The following SULF2 variants were observed in gnomAD, a reference collection of about 807,000 sequenced individuals.
SULF2 encodes extracellular sulfatase Sulf-2.
SULF2 carries 52 observed loss-of-function variants against 107.7 expected under a neutral mutation model. The ratio of observed to expected loss-of-function variants is 0.48; its 90% CI spans 0.39 to 0.61. The LOEUF (loss-of-function observed/expected upper bound fraction) is 0.61, where lower values mean the gene tolerates loss of function less well. SULF2 is among the 20% of genes least tolerant of loss of function. The pLI, the probability that SULF2 is intolerant of heterozygous loss-of-function variation, is 0.00. For missense variants in SULF2, 993 were observed against 1,177.3 expected, an observed-to-expected ratio of 0.84 and a Z score of 2.29; for synonymous variants, 460 against 464.3, an observed-to-expected ratio of 0.99 and a Z score of 0.12.
At chr20:47,659,780 A>G (rs1228526458) in intron 18 of SULF2, 50 bp from the exon 19 acceptor site, 1 of 1,437,242 alleles carries the variant, frequency 7.0e-7, no homozygotes, top group Admixed American at 1.7e-5. Flanking sequence ...AGTTTAGGCA[A>G]AACAACCCCA....
chr20:47,716,690 A>G (rs2089132691), intron 3 of SULF2, among the ~76,000 whole-genome samples: 1 of 151,950 alleles, frequency 6.6e-6, no homozygotes, highest in Non-Finnish European at 1.5e-5. Flanking sequence ...TAACATGAAA[A>G]ATCCAGCCTC....
In SULF2 at chr20:47,669,881, T is replaced by TC. The variant is rs560972031; in HGVS notation, c.1576+2316dup. Among the ~76,000 whole-genome samples the TC allele has an allele frequency of 5.9e-5, 9 of 152,326 alleles. No individual in the cohort carries two copies. The South Asian group carries it at 1.9e-3, about 32-fold the overall frequency. On this transcript the variant is annotated intron_variant, in intron 11 of 20. Transcript: ENST00000688720. ...CAGATCTTGTATTATTTAAAGATTATCGACTGTGCCACATATTGAAGCAAG... is the reference window on the plus strand; with the variant it reads ...CAGATCTTGTATTATTTAAAGATTATCCGACTGTGCCACATATTGAAGCAAG...
chr20:47,785,445 T>TGCCGCTGCCGCCGCC lies in SULF2; in HGVS notation c.-218_-204dup, dbSNP rs1456300176. The TGCCGCTGCCGCCGCC allele has an allele frequency of 6.8e-6, 1 of 147,502 alleles. No homozygotes were observed. The highest frequency in any genetic ancestry group is 1.4e-5 in the Non-Finnish European group (1 of 73,462). 9.1% of individuals were successfully genotyped at this position (147,502 alleles called of 1,614,324 possible). On this transcript the variant is annotated 5_prime_UTR_variant, in exon 1 of 21. Transcript: ENST00000688720. ...GGCGCAGGGGACTCCGCGCCGCCGC[T>TGCCGCTGCCGCCGCC]GCCGCTGCCGCCGCCGCCGCCGCCG...
intron 3 of SULF2, among the ~76,000 whole-genome samples, chr20:47,707,304 ATT>A (rs2088776790): frequency 1.3e-5 from 2 of 151,374 alleles, no homozygotes; most frequent in African/African-American, 4.9e-5. Context: ...ATTATTTTTT[ATT>A]CTTCTTTTTT....
intron 2 of SULF2, among the ~76,000 whole-genome samples, chr20:47,738,712 T>C (rs2089805989): frequency 6.6e-6 from 1 of 152,218 alleles, no homozygotes; most frequent in Admixed American, 6.5e-5. Flanking sequence ...CCATGTAAGA[T>C]GTGCCTTTCA....
chr20:47,727,112 T>C (rs1342785278), intron 3 of SULF2, among the ~76,000 whole-genome samples: 1 of 151,970 alleles, frequency 6.6e-6, no homozygotes, highest in Non-Finnish European at 1.5e-5. Context: ...GAGATGAATG[T>C]GTTCCCCAAA....
At chr20:47,703,496 T>G (rs2088633598) in intron 3 of SULF2, among the ~76,000 whole-genome samples, 2 of 152,168 alleles carry the variant, frequency 1.3e-5, no homozygotes, top group South Asian at 4.1e-4. Flanking sequence ...TGGCTAACAT[T>G]AAAGAAATGG....
At chr20:47,661,539 C>T (rs1053003146) in intron 18 of SULF2, 21 of 367,802 alleles carry the variant, frequency 5.7e-5, no homozygotes, top group East Asian at 3.5e-4. Context: ...TGAAATGAGA[C>T]GGAATTCCGT....
intron 4 of SULF2, among the ~76,000 whole-genome samples, chr20:47,697,772 T>A (rs1047063214): frequency 6.6e-6 from 1 of 152,170 alleles, no homozygotes; most frequent in African/African-American, 2.4e-5. Flanking sequence ...ACGTTCTATG[T>A]CCCCATGCTT....
rs113467024 is a variant in SULF2, at chr20:47,693,816, T to A, written c.568-3521A>T. 1.1e-4 allele frequency among the ~76,000 whole-genome samples: 17 copies of A among 152,194 alleles called. 2 individuals are homozygous for A. Among genetic ancestry groups the A allele is most frequent in the African/African-American group, 4.1e-4 (17 of 41,524 alleles). Reference sequence around the variant, plus strand: ...GAGGGTGGGTCAGGGGCTCCCACAGTCTAATGTTTCAAAGTGTGTGGGGGG... The same window carrying A: ...GAGGGTGGGTCAGGGGCTCCCACAGACTAATGTTTCAAAGTGTGTGGGGGG... On this transcript the variant is annotated intron_variant, in intron 4 of 20. Transcript: ENST00000688720.
At chr20:47,686,135 T>C (rs772402780) in intron 5 of SULF2, 2 of 152,250 alleles carry the variant, frequency 1.3e-5, no homozygotes, top group Non-Finnish European at 2.9e-5. Flanking sequence ...GAGGTTATCA[T>C]TGGTGTGTCC....
At chr20:47,682,519 T>A (rs1287896593) in intron 7 of SULF2, among the ~76,000 whole-genome samples, 1 of 152,222 alleles carries the variant, frequency 6.6e-6, no homozygotes, top group Non-Finnish European at 1.5e-5. Context: ...GGCTGAGGGC[T>A]GCGGCCCACG....
At chr20:47,721,267 T>G (rs940956438) in intron 3 of SULF2, among the ~76,000 whole-genome samples, 2 of 151,732 alleles carry the variant, frequency 1.3e-5, no homozygotes, top group African/African-American at 4.9e-5. Flanking sequence ...ATGAGGAAGG[T>G]GGGGTCATGA....
At chr20:47,765,507 T>C (rs781134230) in intron 1 of SULF2, among the ~76,000 whole-genome samples, 8 of 151,376 alleles carry the variant, frequency 5.3e-5, no homozygotes, top group Admixed American at 3.9e-4. Context: ...AGAAAGGAAA[T>C]TGTGGGTGTG....
In SULF2 at chr20:47,661,794, G is replaced by A; in HGVS notation, c.2473C>T (p.Arg825Trp). The A allele has an allele frequency of 1.3e-6, 2 of 1,558,762 alleles. No individual in the cohort carries two copies. Among genetic ancestry groups the A allele is most frequent in the South Asian group, 1.2e-5 (1 of 84,960 alleles). The change falls in exon 18 of 21, where the codon CGG becomes TGG. Residue 825 changes from arginine (R) to tryptophan (W), a missense_variant. By Grantham distance (101) the Arg-to-Trp change is moderately radical (BLOSUM62 -3). Around this residue, in one of 3 missense-constraint regions of SULF2, gnomAD observed 497 missense variants for 544.1 expected, o/e 0.91. Transcript: ENST00000688720. ...TCACCCAGGTCCATGTTTCGAGTCC[G>A]GGGGTTACACTGCTTGTAACCCTTG... The part of the protein sequence containing the change: ...SCKGYKQCNP[R>W]TRNMDLGLKD...
At chr20:47,712,669 C>A (rs938870434) in intron 3 of SULF2, among the ~76,000 whole-genome samples, 1 of 152,132 alleles carries the variant, frequency 6.6e-6, no homozygotes, top group Non-Finnish European at 1.5e-5. Context: ...GGTGGGGCAG[C>A]GCCCTCTAAT....
At chr20:47,719,884 G>C (rs35896821) in intron 3 of SULF2, among the ~76,000 whole-genome samples, 20,466 of 152,264 alleles carry the variant, frequency 0.13, 1,829 homozygotes, top group Middle Eastern at 0.25. Context: ...GTAGGCCACA[G>C]TTTACTAATC....
intron 3 of SULF2, among the ~76,000 whole-genome samples, chr20:47,704,650 A>G (rs2088671296): frequency 6.6e-6 from 1 of 152,202 alleles, no homozygotes; most frequent in Non-Finnish European, 1.5e-5. Flanking sequence ...AGAGACAGCA[A>G]TCCTATTCTA....
chr20:47,677,433 C>T (rs888179122), intron 8 of SULF2, among the ~76,000 whole-genome samples: 11 of 125,514 alleles, frequency 8.8e-5, no homozygotes, highest in Non-Finnish European at 1.6e-4. Flanking sequence ...TGTGTGTGCG[C>T]GCACACACAT....
Sources: gnomAD v4.1 joint callset for allele counts (sites outside exome capture counted in the v4.1 genomes callset) on GRCh38, gnomAD v4.1.1 for gene constraint, gnomAD v4.1.1 regional missense constraint, MANE v1.5 for transcripts, NCBI Gene and HGNC (gene_info 2026-07-23, HGNC 2026-07-21) for gene names.